ADAMTS16: variants seen among roughly 807,000 people sequenced by gnomAD.
The protein encoded by ADAMTS16 is A disintegrin and metalloproteinase with thrombospondin motifs 16.
Under a neutral mutation model 145.8 loss-of-function variants are expected in ADAMTS16, and 94 were observed. The observed-to-expected ratio is 0.64, with a 90% confidence interval of 0.55 to 0.77. ADAMTS16 has a LOEUF of 0.77. Among genes scored for constraint, ADAMTS16 ranks in the 30% least tolerant of loss-of-function variants. The pLI, the probability that ADAMTS16 is intolerant of heterozygous loss-of-function variation, is 0.00. For synonymous variants in ADAMTS16, 659 were observed against 604.3 expected (o/e 1.09, Z -1.33); for missense variants, 1,585 against 1,591.5 (o/e 1.00, Z 0.07).
intron 18 of ADAMTS16, among the ~76,000 whole-genome samples, chr5:5,290,060 T>C (rs1004420701): frequency 3.3e-5 from 5 of 152,216 alleles, no homozygotes; most frequent in African/African-American, 7.2e-5. Context: ...TTGACTTAGA[T>C]GATGTATTGT....
At position 5,284,641 on chromosome 5, in the gene ADAMTS16, T is replaced by G. The variant is rs1226630260; in HGVS notation, c.2790-18627T>G. ...GCCAGCTCGTTAATAGAATTCTGTC[T>G]TGTTTTCTCCACTTGGTGTCTTCAT... On this transcript the variant is annotated intron_variant, in intron 18 of 22. Transcript: ENST00000274181. Among the ~76,000 whole-genome samples the G allele has an allele frequency of 2.6e-5, 4 of 152,346 alleles. No homozygotes were observed. The East Asian group carries it at 7.7e-4, about 29-fold the overall frequency.
intron 10 of ADAMTS16, among the ~76,000 whole-genome samples, chr5:5,219,111 AC>A (rs200887988): frequency 5.3e-5 from 8 of 150,944 alleles, no homozygotes; most frequent in East Asian, 3.9e-4. Context: ...CTCTCCAGGG[AC>A]CCCCCCTTCT....
chr5:5,146,481 G>A, intron 3 of ADAMTS16, 26 bp downstream of exon 3: 1 of 1,569,252 alleles, frequency 6.4e-7, no homozygotes, highest in Non-Finnish European at 8.6e-7. Flanking sequence ...GCCCCAGGTA[G>A]GGAGGCGAGG....
At chr5:5,150,888 G>A (rs1734435126) in intron 3 of ADAMTS16, among the ~76,000 whole-genome samples, 1 of 152,188 alleles carries the variant, frequency 6.6e-6, no homozygotes, top group Admixed American at 6.5e-5. Context: ...TCACTGTGGT[G>A]TATTATGCAC....
intron 19 of ADAMTS16, 37 bp downstream of exon 19, chr5:5,303,506 C>T: frequency 6.2e-7 from 1 of 1,607,330 alleles, no homozygotes; most frequent in Non-Finnish European, 8.5e-7. Flanking sequence ...GGCAGCAGGG[C>T]CCCTGCATGA....
At chr5:5,208,566 C>T (rs1227871543) in intron 9 of ADAMTS16, among the ~76,000 whole-genome samples, 2 of 152,136 alleles carry the variant, frequency 1.3e-5, no homozygotes, top group Non-Finnish European at 2.9e-5. Flanking sequence ...ATCCTGAGCA[C>T]AGAGCATTGC....
At chr5:5,150,396 C>T (rs541034862) in intron 3 of ADAMTS16, among the ~76,000 whole-genome samples, 140 of 152,242 alleles carry the variant, frequency 9.2e-4, no homozygotes, top group Non-Finnish European at 1.5e-3. Context: ...ATAGGTAGGG[C>T]AGCAAGGGAC....
At chr5:5,291,502 T>C (rs1350357168) in intron 18 of ADAMTS16, among the ~76,000 whole-genome samples, 3 of 152,158 alleles carry the variant, frequency 2.0e-5, no homozygotes, top group African/African-American at 7.2e-5. Flanking sequence ...TGCCCAGCAC[T>C]GCATAGAAAA....
At chr5:5,163,145 A>G (rs1382127047) in intron 3 of ADAMTS16, among the ~76,000 whole-genome samples, 3 of 152,196 alleles carry the variant, frequency 2.0e-5, no homozygotes, top group Non-Finnish European at 2.9e-5. Flanking sequence ...TTATTTATTT[A>G]TTCACTTATT....
chr5:5,215,882 A>G (rs1272685585), intron 10 of ADAMTS16, among the ~76,000 whole-genome samples: 6,875 of 65,650 alleles, frequency 0.1, 340 homozygotes, highest in South Asian at 0.16. Flanking sequence ...ATATATATAT[A>G]TATATATATA....
intron 10 of ADAMTS16, among the ~76,000 whole-genome samples, chr5:5,214,856 A>AT (rs36091985): frequency 1.2e-4 from 18 of 152,110 alleles, no homozygotes; most frequent in Middle Eastern, 3.4e-3. Context: ...TATAAAACTT[A>AT]TTTTTTTTAA....
At chr5:5,199,942 T>A (rs958688052) in intron 8 of ADAMTS16, among the ~76,000 whole-genome samples, 190 bp from the exon 9 acceptor site, 14 of 152,218 alleles carry the variant, frequency 9.2e-5, no homozygotes, top group African/African-American at 3.4e-4. Flanking sequence ...GGATGGTCCA[T>A]TCTTCAGAAA....
chr5:5,198,250 A>G (rs929736380), intron 8 of ADAMTS16, among the ~76,000 whole-genome samples: 4 of 152,092 alleles, frequency 2.6e-5, no homozygotes, highest in Admixed American at 2.0e-4. Context: ...GCAGCCTCCC[A>G]TTTAGGATTT....
Position 5,319,715 on chromosome 5 carries a change from G to A in ADAMTS16, c.*577G>A, listed in dbSNP as rs1393141637. The A allele has an allele frequency of 5.5e-6, 2 of 360,796 alleles. No homozygotes were observed. Among genetic ancestry groups the A allele is most frequent in the African/African-American group, 2.2e-5 (1 of 46,136 alleles). 22.3% of individuals were successfully genotyped at this position (360,796 alleles called of 1,614,324 possible). On this transcript the variant is annotated 3_prime_UTR_variant, in exon 23 of 23. Transcript: ENST00000274181. The stretch of plus-strand genomic sequence containing the variant: ...CTCTTACCAGGAACCTGGAGCCACC[G>A]CCGGAGCCAGCGTCATCTCTAGGGT...
chr5:5,252,784 G>A lies in ADAMTS16; in HGVS notation c.2663-9873G>A, dbSNP rs185640093. ...TCTGCGTGTACACCAGGCAGTTTCCGTCCCCCTATGCAGGAAAGGCCATGC... is the reference window on the plus strand; with the variant it reads ...TCTGCGTGTACACCAGGCAGTTTCCATCCCCCTATGCAGGAAAGGCCATGC... On this transcript the variant is annotated intron_variant, in intron 17 of 22. Coordinates refer to ENST00000274181, the MANE Select transcript of ADAMTS16 (RefSeq NM_139056.4). Among the ~76,000 whole-genome samples, 19 of 152,138 alleles carry A rather than the reference G, an allele frequency of 1.2e-4. No homozygotes were observed. The East Asian group carries it at 1.9e-3, about 16-fold the overall frequency.
chr5:5,233,667 T>C (rs1049302953), intron 12 of ADAMTS16, among the ~76,000 whole-genome samples: 5 of 152,338 alleles, frequency 3.3e-5, no homozygotes, highest in African/African-American at 1.2e-4. Flanking sequence ...GCAAACAACA[T>C]GATCTCTTCC....
rs1358687095 is a variant in ADAMTS16 at position 5,303,696 on chromosome 5, A to G, written c.3116A>G (p.His1039Arg). Residue 1039 changes from histidine to arginine, a missense_variant, in exon 20 of 23, where the codon CAT (histidine) becomes CGT (arginine). His to Arg is a conservative substitution (Grantham distance 29, BLOSUM62 0). This residue lies in a region of ADAMTS16 where 834 missense variants were observed against 811.7 expected (regional missense o/e 1.03). Transcript: ENST00000274181. ...VCTSEPKPRM[H>R]EACLLQRCHK... is the part of the protein sequence containing the mutation. Reference sequence around the variant, plus strand: ...ACCTCCGAGCCCAAGCCCAGGATGCATGAAGCCTGTCTGCTTCAGCGCTGC... The same window carrying G: ...ACCTCCGAGCCCAAGCCCAGGATGCGTGAAGCCTGTCTGCTTCAGCGCTGC... 7.4e-6 allele frequency: 12 copies of G among 1,613,570 alleles called. No homozygotes were observed. The highest frequency in any genetic ancestry group is 1.0e-5 in the Non-Finnish European group (12 of 1,180,032).
At chr5:5,257,129 A>G (rs1328894274) in intron 17 of ADAMTS16, among the ~76,000 whole-genome samples, 1 of 152,206 alleles carries the variant, frequency 6.6e-6, no homozygotes, top group Non-Finnish European at 1.5e-5. Flanking sequence ...TCCATAAAAC[A>G]TCTTCATATT....
intron 22 of ADAMTS16, 60 bp from the exon 23 acceptor site, chr5:5,318,963 C>G: frequency 7.9e-7 from 1 of 1,272,742 alleles, no homozygotes; most frequent in Non-Finnish European, 1.1e-6. Context: ...GAGCTATTAG[C>G]TGGCAACATC....
Sources: gnomAD v4.1 joint callset for allele counts (sites outside exome capture counted in the v4.1 genomes callset) on GRCh38, gnomAD v4.1.1 for gene constraint, gnomAD v4.1.1 regional missense constraint, MANE v1.5 for transcripts, NCBI Gene and HGNC (gene_info 2026-07-23, HGNC 2026-07-21) for gene names.